SLC4A4: variants seen among roughly 807,000 people sequenced by gnomAD.
SLC4A4 encodes solute carrier family 4 member 4.
Under a neutral mutation model 111.5 loss-of-function variants are expected in SLC4A4, and 27 were observed. The ratio of observed to expected loss-of-function variants is 0.24; its 90% CI spans 0.18 to 0.33. The LOEUF is 0.33. SLC4A4 is among the 10% of genes least tolerant of loss of function. The pLI is 1.00. For missense variants in SLC4A4, 909 were observed against 1,315.5 expected (o/e 0.69, Z 4.78); for synonymous variants, 443 against 463.4 (o/e 0.96, Z 0.57).
chr4:71,443,110 CTCTCTCTATATATATA>C (rs1329983077), intron 8 of SLC4A4, among the ~76,000 whole-genome samples: 11 of 101,020 alleles, frequency 1.1e-4, no homozygotes, highest in Admixed American at 4.1e-4. Flanking sequence ...CTCTCTCTCT[CTCTCTCTATATATATA>C]TATATATATA....
In SLC4A4 at chr4:71,154,948, T is replaced by C. The variant is rs568881873; in HGVS notation, c.-2+62156T>C. ...AAAAAATTTCATTCATAATTCCTTT[T>C]ATTCTTATACATTACCAAAGCTACA... On this transcript the variant is annotated intron_variant, in intron 2 of 26. Coordinates refer to the SLC4A4 transcript ENST00000649996. Among the ~76,000 whole-genome samples the C allele has an allele frequency of 5.9e-5, 9 of 152,348 alleles. No homozygotes were observed. The South Asian group carries it at 1.9e-3, about 32-fold the overall frequency.
chr4:71,260,345 T>G (rs147590750), intron 3 of SLC4A4, among the ~76,000 whole-genome samples: 4 of 152,298 alleles, frequency 2.6e-5, no homozygotes, highest in African/African-American at 7.2e-5. Flanking sequence ...ATTTTTAAAA[T>G]GTTTTCAGGC....
At chr4:71,121,003 G>C (rs572206199) in intron 2 of SLC4A4, among the ~76,000 whole-genome samples, 5 of 152,302 alleles carry the variant, frequency 3.3e-5, no homozygotes, top group African/African-American at 4.8e-5. Context: ...GCACGCGCTC[G>C]GTAGGTCCCG....
rs76537423 is a variant in SLC4A4 at position 71,096,564 on chromosome 4, C to T, written c.-2+3772C>T. On this transcript the variant is annotated intron_variant, in intron 2 of 26. Transcript: ENST00000649996. ...ATTTTAATGCAATATTTAAAAAAAT[C>T]GTTAGTGCAAAAAATCCATGATGAA... Among the ~76,000 whole-genome samples, 108 of 152,126 alleles carry T rather than the reference C, an allele frequency of 7.1e-4. 1 individual carries two copies. In the East Asian group the frequency reaches 0.019, roughly 26 times the overall value.
At chr4:71,498,028 C>G (rs943833527) in intron 16 of SLC4A4, among the ~76,000 whole-genome samples, 2 of 152,090 alleles carry the variant, frequency 1.3e-5, no homozygotes, top group African/African-American at 4.8e-5. Flanking sequence ...AGTACATAAT[C>G]AAAAACTCTT....
intron 6 of SLC4A4, among the ~76,000 whole-genome samples, chr4:71,373,403 A>G (rs1477837268): frequency 2.0e-5 from 3 of 152,248 alleles, no homozygotes; most frequent in Non-Finnish European, 2.9e-5. Flanking sequence ...GGAGAGACAG[A>G]CTTTTCAATG....
intron 2 of SLC4A4, among the ~76,000 whole-genome samples, chr4:71,138,862 CT>C (rs1207578701): frequency 2.6e-5 from 4 of 151,868 alleles, no homozygotes; most frequent in African/African-American, 9.7e-5. Context: ...CGGTGAAACC[CT>C]GTCTCTACTG....
At chr4:71,409,019 T>A (rs1721121070) in intron 7 of SLC4A4, among the ~76,000 whole-genome samples, 1 of 152,236 alleles carries the variant, frequency 6.6e-6, no homozygotes, top group African/African-American at 2.4e-5. Flanking sequence ...TTGCTCATTT[T>A]CTTTTGCCAC....
At chr4:71,304,615 A>C (rs1725539546) in intron 3 of SLC4A4, among the ~76,000 whole-genome samples, 1 of 152,228 alleles carries the variant, frequency 6.6e-6, no homozygotes, top group South Asian at 2.1e-4. Context: ...TCAAGTTGAC[A>C]CATAAAATTA....
chr4:71,209,346 A>G lies in SLC4A4; in HGVS notation c.-2+21945A>G, dbSNP rs567622831. On this transcript the variant is annotated intron_variant, in intron 1 of 25. Transcript: ENST00000264485. The stretch of plus-strand genomic sequence containing the variant: ...ATTCCTCCCTAATGTGTAACAGTCT[A>G]CTGGGGGAGACAGGGCAGACACATT... 4.6e-5 allele frequency among the ~76,000 whole-genome samples: 7 copies of G among 152,320 alleles called. No homozygotes were observed. The South Asian group carries it at 1.5e-3, about 32-fold the overall frequency.
At chr4:71,157,155 A>T (rs1744500073) in intron 2 of SLC4A4, among the ~76,000 whole-genome samples, 1 of 152,148 alleles carries the variant, frequency 6.6e-6, no homozygotes, top group Admixed American at 6.5e-5. Context: ...GTGAAGTTCA[A>T]CTGATATCTG....
intron 10 of SLC4A4, 102 bp downstream of exon 10, chr4:71,450,645 T>C: frequency 8.8e-7 from 1 of 1,134,788 alleles, no homozygotes; most frequent in Non-Finnish European, 1.3e-6. Flanking sequence ...TCTAATATTT[T>C]CAGGTTCCTG....
chr4:71,564,050 AC>A (rs1737238727), intron 24 of SLC4A4, among the ~76,000 whole-genome samples, 161 bp downstream of exon 24: 1 of 151,822 alleles, frequency 6.6e-6, no homozygotes. Flanking sequence ...GTTTTTACAT[AC>A]CCTAAGCTTC....
chr4:71,418,557 T>G (rs1722029945), intron 7 of SLC4A4, among the ~76,000 whole-genome samples: 1 of 152,238 alleles, frequency 6.6e-6, no homozygotes, highest in African/African-American at 2.4e-5. Flanking sequence ...TTTTTAGGCC[T>G]CTTAGATATT....
chr4:71,237,519 G>A (rs1197243159), intron 2 of SLC4A4, among the ~76,000 whole-genome samples: 1 of 152,160 alleles, frequency 6.6e-6, no homozygotes, highest in Admixed American at 6.5e-5. Context: ...ATTCATTTGT[G>A]TTTTGGAGAT....
In SLC4A4 at chr4:71,246,642, A is replaced by T. The variant is rs564304629; in HGVS notation, c.74-8578A>T. 2.6e-5 allele frequency among the ~76,000 whole-genome samples: 4 copies of T among 152,298 alleles called. 1 individual carries two copies. Among genetic ancestry groups the T allele is most frequent in the African/African-American group, 9.6e-5 (4 of 41,572 alleles). On this transcript the variant is annotated intron_variant, in intron 2 of 25. Coordinates refer to ENST00000264485, the MANE Select transcript of SLC4A4 (RefSeq NM_001098484.3). ...TAAGGGTGGTGGATTTCAATTTGTCATTCTGTATCTCTAAGACAAACATTT... is the reference window on the plus strand; with the variant it reads ...TAAGGGTGGTGGATTTCAATTTGTCTTTCTGTATCTCTAAGACAAACATTT...
At chr4:71,174,172 T>G (rs888847836) in intron 2 of SLC4A4, among the ~76,000 whole-genome samples, 1 of 152,050 alleles carries the variant, frequency 6.6e-6, no homozygotes, top group African/African-American at 2.4e-5. Flanking sequence ...CCTTTTTTTT[T>G]CCTAGCCACA....
intron 6 of SLC4A4, among the ~76,000 whole-genome samples, chr4:71,387,222 A>G (rs56885514): frequency 0.02 from 3,048 of 152,218 alleles, 103 homozygotes; most frequent in African/African-American, 0.069. Flanking sequence ...GTCCCTCTGC[A>G]TGGAGTTTTA....
intron 8 of SLC4A4, among the ~76,000 whole-genome samples, chr4:71,441,655 G>T (rs999723586): frequency 2.6e-5 from 4 of 152,090 alleles, no homozygotes; most frequent in African/African-American, 9.7e-5. Context: ...GTCTGAGCAT[G>T]ATTAACCAAC....
Sources: gnomAD v4.1 joint callset for allele counts (sites outside exome capture counted in the v4.1 genomes callset) on GRCh38, gnomAD v4.1.1 for gene constraint, MANE v1.5 for transcripts, NCBI Gene and HGNC (gene_info 2026-07-23, HGNC 2026-07-21) for gene names.